TENM4: variants seen among roughly 807,000 people sequenced by gnomAD.
TENM4 encodes teneurin transmembrane protein 4, also known as teneurin-4.
A neutral mutation model predicts 243.3 loss-of-function variants in TENM4; 82 were observed. That is an observed-to-expected ratio of 0.34 (90% confidence interval 0.28 to 0.40). The LOEUF is 0.40. TENM4 is among the 10% of genes least tolerant of loss of function. The pLI, the probability that TENM4 is intolerant of heterozygous loss-of-function variation, is 1.00. For missense variants in TENM4, 3,138 were observed against 3,673.3 expected (o/e 0.85, Z 3.77); for synonymous variants, 1,412 against 1,456.3 (o/e 0.97, Z 0.69).
intron 4 of TENM4, among the ~76,000 whole-genome samples, chr11:79,090,990 T>C (rs1591275197): frequency 6.6e-6 from 1 of 152,014 alleles, no homozygotes; most frequent in African/African-American, 2.4e-5. Flanking sequence ...CTTTTTGGGG[T>C]GGCTGATACT....
At chr11:79,296,596 T>C (rs1856458264) in intron 2 of TENM4, among the ~76,000 whole-genome samples, 1 of 152,250 alleles carries the variant, frequency 6.6e-6, no homozygotes. Flanking sequence ...AGTGGTAGAA[T>C]GCAACAATGA....
chr11:79,075,236 C>T (rs1487920241), intron 4 of TENM4, among the ~76,000 whole-genome samples: 3 of 152,210 alleles, frequency 2.0e-5, no homozygotes, highest in African/African-American at 7.2e-5. Context: ...GAGCCTGCGG[C>T]TTAGAGAAGT....
chr11:79,386,897 T>C (rs906938324), intron 1 of TENM4, among the ~76,000 whole-genome samples: 2 of 152,074 alleles, frequency 1.3e-5, no homozygotes, highest in Non-Finnish European at 2.9e-5. Context: ...ACATATCCTA[T>C]AACCCAGAAA....
chr11:78,953,234 T>G lies in TENM4; in HGVS notation c.494-49711A>C, dbSNP rs934207909. Among the ~76,000 whole-genome samples the G allele has an allele frequency of 8.5e-5, 13 of 152,316 alleles. No individual in the cohort carries two copies. The East Asian group carries it at 2.5e-3, about 29-fold the overall frequency. The stretch of plus-strand genomic sequence containing the variant: ...CTGAAGCTTTGTCTCTGAGACTACA[T>G]GCTATGTTTGTTTAGCTGGTGCCTT... On this transcript the variant is annotated intron_variant, in intron 6 of 33. Coordinates refer to ENST00000278550, the MANE Select transcript of TENM4 (RefSeq NM_001098816.3).
intron 4 of TENM4, among the ~76,000 whole-genome samples, chr11:79,142,092 C>T (rs7938256): frequency 6.6e-6 from 1 of 152,066 alleles, no homozygotes; most frequent in African/African-American, 2.4e-5. Context: ...CAATGATGCC[C>T]ACTCTTGCCA....
intron 2 of TENM4, among the ~76,000 whole-genome samples, chr11:79,272,832 G>A (rs1440919583): frequency 6.6e-6 from 1 of 152,126 alleles, no homozygotes; most frequent in East Asian, 1.9e-4. Context: ...GATTGTAATT[G>A]CTTGGGTTTC....
chr11:79,056,206 G>A (rs921716729), intron 6 of TENM4, among the ~76,000 whole-genome samples: 4 of 152,118 alleles, frequency 2.6e-5, no homozygotes, highest in Non-Finnish European at 4.4e-5. Flanking sequence ...ATTGAAAATC[G>A]TGTTGTCTCA....
chr11:78,897,274 T>C (rs1855820134), intron 7 of TENM4, among the ~76,000 whole-genome samples: 1 of 152,162 alleles, frequency 6.6e-6, no homozygotes, highest in African/African-American at 2.4e-5. Flanking sequence ...TGTGCCTGGT[T>C]TGCCCCAGAG....
At chr11:79,090,201 G>A (rs1041374300) in intron 4 of TENM4, among the ~76,000 whole-genome samples, 3 of 152,234 alleles carry the variant, frequency 2.0e-5, no homozygotes, top group African/African-American at 7.2e-5. Context: ...TGCAGCTGCC[G>A]TCTGCAAGAG....
At chr11:78,977,732 AG>A (rs1857695795) in intron 6 of TENM4, among the ~76,000 whole-genome samples, 1 of 152,228 alleles carries the variant, frequency 6.6e-6, no homozygotes, top group African/African-American at 2.4e-5. Context: ...GTGGAGAAAG[AG>A]GAAGGCTTTT....
At chr11:78,675,634 C>T (rs1477622415) in intron 30 of TENM4, among the ~76,000 whole-genome samples, 1 of 152,182 alleles carries the variant, frequency 6.6e-6, no homozygotes, top group Non-Finnish European at 1.5e-5. Flanking sequence ...GCAGTGATGG[C>T]TCGGGTGAGG....
At chr11:78,666,178 A>C (rs566317863) in intron 32 of TENM4, among the ~76,000 whole-genome samples, 1 of 152,286 alleles carries the variant, frequency 6.6e-6, no homozygotes, top group East Asian at 1.9e-4. Flanking sequence ...CATCTTTTTA[A>C]ATTTGCTAAA....
intron 19 of TENM4, among the ~76,000 whole-genome samples, chr11:78,745,355 T>C (rs1268161912): frequency 2.0e-5 from 3 of 151,884 alleles, no homozygotes; most frequent in African/African-American, 7.3e-5. Flanking sequence ...GCCTCCTGAG[T>C]AGCTGGGATT....
At chr11:78,684,356 C>T (rs962452183) in intron 29 of TENM4, among the ~76,000 whole-genome samples, 2 of 152,214 alleles carry the variant, frequency 1.3e-5, no homozygotes, top group African/African-American at 4.8e-5. Flanking sequence ...GCAGGATGCT[C>T]TGAGGATTGA....
At chr11:78,861,333 G>A (rs898864385) in intron 10 of TENM4, among the ~76,000 whole-genome samples, 3 of 152,166 alleles carry the variant, frequency 2.0e-5, no homozygotes, top group Admixed American at 6.5e-5. Flanking sequence ...CTTTTGAAGA[G>A]GAGAAAAGGA....
At chr11:79,002,679 GAAC>G (rs2136709548) in intron 6 of TENM4, among the ~76,000 whole-genome samples, 1 of 152,252 alleles carries the variant, frequency 6.6e-6, no homozygotes, top group East Asian at 1.9e-4. Flanking sequence ...AAGACTGAAG[GAAC>G]ATCAGCCCAC....
chr11:78,867,637 T>G lies in TENM4; in HGVS notation c.1085-4505A>C, dbSNP rs573754374. ...TTATCCTTTGTAATAATCAAAATCA[T>G]AACACAAAAATTAGTATCATTTGAA... On this transcript the variant is annotated intron_variant, in intron 9 of 33. Coordinates refer to ENST00000278550, the MANE Select transcript of TENM4 (RefSeq NM_001098816.3). 1.5e-3 allele frequency among the ~76,000 whole-genome samples: 231 copies of G among 152,292 alleles called. 2 individuals carry two copies. Among genetic ancestry groups the G allele is most frequent in the African/African-American group, 5.4e-3 (223 of 41,574 alleles).
intron 6 of TENM4, among the ~76,000 whole-genome samples, chr11:78,910,184 C>T (rs1036526975): frequency 1.3e-5 from 2 of 152,214 alleles, no homozygotes; most frequent in Non-Finnish European, 2.9e-5. Context: ...TGAGTGCCCA[C>T]ATCCAGCCCT....
chr11:78,782,442 A>T (rs1367465671), intron 16 of TENM4, among the ~76,000 whole-genome samples: 1 of 152,194 alleles, frequency 6.6e-6, no homozygotes, highest in African/African-American at 2.4e-5. Context: ...TACTAAAACT[A>T]CAAAATTAGC....
Sources: gnomAD v4.1 joint callset for allele counts (sites outside exome capture counted in the v4.1 genomes callset) on GRCh38, gnomAD v4.1.1 for gene constraint, MANE v1.5 for transcripts, NCBI Gene and HGNC (gene_info 2026-07-23, HGNC 2026-07-21) for gene names.